Variants in ACTN3 observed in about 807,000 individuals in gnomAD.
The protein encoded by ACTN3 is actinin alpha 3, also known as alpha-actinin-3.
ACTN3 carries 91 observed loss-of-function variants against 119.6 expected under a neutral mutation model. That is an observed-to-expected ratio of 0.76 (90% CI 0.64 to 0.91). The LOEUF is 0.91. Ranked by LOEUF, ACTN3 falls within the 40% of genes least tolerant of loss-of-function variation. The probability of loss-of-function intolerance (pLI) is 0.00; values close to 1 mark genes in which losing one functional copy is unlikely to be tolerated. For missense variants in ACTN3, 1,221 were observed against 1,215.1 expected, an observed-to-expected ratio of 1.00 and a Z score of -0.07; for synonymous variants, 456 against 478.8, an observed-to-expected ratio of 0.95 and a Z score of 0.62.
Position 66,560,683 on chromosome 11 carries a change from T to C in ACTN3, c.1788T>C (p.Tyr596=). 6.2e-7 allele frequency: 1 copy of C among 1,613,924 alleles called. No individual in the cohort carries two copies. Among genetic ancestry groups the C allele is most frequent in the Non-Finnish European group, 8.5e-7 (1 of 1,179,874 alleles). Residue 596 remains tyrosine, a synonymous_variant, in exon 15 of 21, where the codon TAT becomes TAC. Coordinates refer to ENST00000513398, the MANE Select transcript of ACTN3 (RefSeq NM_001104.4). ...AGATCCAGAAGATCTGCCAGACGTA[T>C]GGGCTGCGGCCCTGCTCCACCAATC... ...QGEIQKICQT[Y]GLRPCSTNPY...
chr11:66,547,839 G>A (rs560894380), intron 1 of ACTN3, among the ~76,000 whole-genome samples: 13 of 151,994 alleles, frequency 8.6e-5, no homozygotes, highest in Non-Finnish European at 1.6e-4. Context: ...CCAAAGAGGG[G>A]CACAGGGGCA....
chr11:66,555,381 A>C lies in ACTN3; in HGVS notation c.718+14A>C. 6.2e-7 allele frequency: 1 copy of C among 1,613,508 alleles called. No individual in the cohort carries two copies. The highest frequency in any genetic ancestry group is 8.5e-7 in the Non-Finnish European group (1 of 1,179,516). Reference sequence around the variant, plus strand: ...TGGATGCAGAAGGTGAGAGTGAGCTAGCCCAGGGGAAGACCCCACATTCTC... The same window carrying C: ...TGGATGCAGAAGGTGAGAGTGAGCTCGCCCAGGGGAAGACCCCACATTCTC... On this transcript the variant is annotated intron_variant, in intron 7 of 20. Transcript: ENST00000513398.
At chr11:66,547,204 G>C in intron 1 of ACTN3, 120 bp downstream of exon 1, 3 of 1,222,770 alleles carry the variant, frequency 2.5e-6, no homozygotes, top group Non-Finnish European at 3.2e-6. Context: ...CTAATCCCCA[G>C]CCCAGGCTCT....
Position 66,558,128 on chromosome 11 carries a change from TGAG to T in ACTN3, c.1231_1233del (p.Glu411del), listed in dbSNP as rs1171973010. 3.7e-6 allele frequency: 6 copies of T among 1,613,766 alleles called. No individual in the cohort carries two copies. The highest frequency in any genetic ancestry group is 1.3e-5 in the African/African-American group (1 of 74,948). ...GCCTGCAGCGACTCCAGCACCTGGC[TGAG>T]AAGTTCCGGCAGAAGGCCTCCCTGC... On this transcript the variant is annotated inframe_deletion, in exon 11 of 21. Transcript: ENST00000513398.
intron 1 of ACTN3, 41 bp downstream of exon 1, chr11:66,547,125 G>A: frequency 6.8e-7 from 1 of 1,463,276 alleles, no homozygotes; most frequent in Non-Finnish European, 9.0e-7. Context: ...ACCGAGGCCT[G>A]AGAGGCCGGG....
At chr11:66,559,009 C>T in intron 11 of ACTN3, 1 of 404,058 alleles carries the variant, frequency 2.5e-6, no homozygotes, top group Non-Finnish European at 4.3e-6. Context: ...TACCAAGGGC[C>T]CCCTGGACGT....
intron 1 of ACTN3, 49 bp from the exon 2 acceptor site, chr11:66,551,190 C>T (rs370938559): frequency 5.1e-6 from 7 of 1,370,762 alleles, no homozygotes; most frequent in Non-Finnish European, 6.1e-6. Flanking sequence ...CTGTGCCCTA[C>T]ATCCCCCAGA....
chr11:66,561,589 G>A lies in ACTN3; in HGVS notation c.2127G>A (p.Leu709=). 1.9e-6 allele frequency: 3 copies of A among 1,613,110 alleles called. No individual in the cohort carries two copies. The highest frequency in any genetic ancestry group is 2.5e-6 in the Non-Finnish European group (3 of 1,179,630). Residue 709 remains leucine (L), a synonymous_variant, in exon 17 of 21, where the codon CTG becomes CTA. Transcript: ENST00000513398. The part of the protein sequence containing the change: ...IDRLEGDHQL[L]QESLVFDNKH... The stretch of plus-strand genomic sequence containing the variant: ...GGCTGGAGGGTGACCACCAGCTGCT[G>A]CAGGAGAGCCTGGTGTTCGACAATA...
In ACTN3 at chr11:66,560,032, G is replaced by T. The variant is rs370953791; in HGVS notation, c.1492G>T (p.Asp498Tyr). Residue 498 changes from aspartate (D) to tyrosine (Y), a missense_variant, in exon 13 of 21, where the codon GAC becomes TAC. Asp to Tyr is a radical substitution (Grantham distance 160). Around this residue, in one of 3 missense-constraint regions of ACTN3, gnomAD observed 934 missense variants for 899.9 expected, o/e 1.04. Transcript: ENST00000513398. The stretch of plus-strand genomic sequence containing the variant: ...CTGCCAGGCCATCTGCGATCAGTGG[G>T]ACAACCTGGGCACCCTGACCCAGAA... ...SRCQAICDQW[D>Y]NLGTLTQKRR... 112 of 1,588,314 alleles carry T rather than the reference G, an allele frequency of 7.1e-5. No homozygotes were observed. The highest frequency in any genetic ancestry group is 8.8e-5 in the Non-Finnish European group (103 of 1,168,402).
chr11:66,546,904 TGCCGAGCGGA>T lies in ACTN3; in HGVS notation c.-31_-22del. 2 of 1,526,406 alleles carry T rather than the reference TGCCGAGCGGA, an allele frequency of 1.3e-6. No individual in the cohort carries two copies. Among genetic ancestry groups the T allele is most frequent in the Non-Finnish European group, 1.8e-6 (2 of 1,140,496 alleles). 94.6% of individuals were successfully genotyped at this position (1,526,406 alleles called of 1,614,324 possible). On this transcript the variant is annotated 5_prime_UTR_variant, in exon 1 of 21. Coordinates refer to ENST00000513398, the MANE Select transcript of ACTN3 (RefSeq NM_001104.4). ...AATGGGGCCCGGGTGTCCGAGAGCG[TGCCGAGCGGA>T]GCGAAGCCAGGAGCCCGATCGAGAT...
At position 66,551,279 on chromosome 11, in the gene ACTN3, G is replaced by T. The variant is rs900010042; in HGVS notation, c.188G>T (p.Gly63Val). 14 of 1,612,566 alleles carry T rather than the reference G, an allele frequency of 8.7e-6. No individual in the cohort carries two copies. The highest frequency in any genetic ancestry group is 1.1e-5 in the Non-Finnish European group (13 of 1,179,326). The change falls in exon 2 of 21, where the codon GGC (glycine) becomes GTC (valine). Residue 63 changes from glycine (G) to valine (V), a missense_variant. By Grantham distance (109) the Gly-to-Val change is moderately radical. Around this residue, in one of 3 missense-constraint regions of ACTN3, gnomAD observed 239 missense variants for 231.8 expected, o/e 1.03. Coordinates refer to ENST00000513398, the MANE Select transcript of ACTN3 (RefSeq NM_001104.4). ...TGCAACTCACACCTGCGCAAGGCAG[G>T]CACCCAGATCGAGAACATCGAGGAA... ...AWCNSHLRKAGTQIENIEEDF... is the reference protein window; with the variant it reads ...AWCNSHLRKAVTQIENIEEDF...
Position 66,553,258 on chromosome 11 carries a change from C to G in ACTN3, c.383-787C>G, listed in dbSNP as rs1347383729. On this transcript the variant is annotated intron_variant, in intron 3 of 20. Transcript: ENST00000513398. Reference sequence around the variant, plus strand: ...AACAGAGCAAGACTCTGTCACCCCCCAAAAAATAGATGCAGCTGGGTGCAG... The same window carrying G: ...AACAGAGCAAGACTCTGTCACCCCCGAAAAAATAGATGCAGCTGGGTGCAG... 2.7e-5 allele frequency among the ~76,000 whole-genome samples: 4 copies of G among 150,802 alleles called. No homozygotes were observed. In the East Asian group the frequency reaches 5.9e-4, roughly 22 times the overall value.
At chr11:66,561,009 A>G (rs1171312384) in intron 15 of ACTN3, among the ~76,000 whole-genome samples, 7 of 107,318 alleles carry the variant, frequency 6.5e-5, no homozygotes. Context: ...TCTTTTATAA[A>G]TCCACCCATA....
chr11:66,546,815 C>T (rs1391450008), upstream of ACTN3: 2 of 1,529,280 alleles, frequency 1.3e-6, no homozygotes, highest in African/African-American at 1.4e-5. Context: ...CACCCCCATC[C>T]GGCCCCTCCC....
At chr11:66,557,669 G>A (rs1270465298) in intron 9 of ACTN3, 30 bp from the exon 10 acceptor site, 19 of 1,586,710 alleles carry the variant, frequency 1.2e-5, no homozygotes, top group Non-Finnish European at 1.5e-5. Context: ...GCGCAGAGCT[G>A]TCTGCCTTGC....
At chr11:66,546,790 C>A, upstream of ACTN3, 1 of 1,534,376 alleles carries the variant, frequency 6.5e-7, no homozygotes. Context: ...TTGCCAGGTC[C>A]AACCCGAGCT....
Position 66,560,591 on chromosome 11 carries a change from G to T in ACTN3, c.1696G>T (p.Asp566Tyr). The T allele has an allele frequency of 1.2e-6, 2 of 1,612,448 alleles. No individual in the cohort carries two copies. Among genetic ancestry groups the T allele is most frequent in the South Asian group, 2.2e-5 (2 of 91,010 alleles). Residue 566 changes from aspartate (D) to tyrosine (Y), a missense_variant, in exon 15 of 21, where the codon GAT becomes TAT. Transcript: ENST00000513398. ...TCCCCAGAGCCTGCTGACAGCGCACGATCAGTTCAAGGCAACACTGCCCGA... is the reference window on the plus strand; with the variant it reads ...TCCCCAGAGCCTGCTGACAGCGCACTATCAGTTCAAGGCAACACTGCCCGA... Reference protein sequence around the residue: ...EETQSLLTAHDQFKATLPEAD... With the variant: ...EETQSLLTAHYQFKATLPEAD...
chr11:66,547,255 G>T lies in ACTN3; in HGVS notation c.147+171G>T, dbSNP rs1399511912. On this transcript the variant is annotated intron_variant, in intron 1 of 20. Transcript: ENST00000513398. ...GCTGTCCCCAGGGCTGGAGGAGAGG[G>T]CTGGGAGCCCTCAAGAGGGGTTTAA... 5.9e-6 allele frequency: 3 copies of T among 506,844 alleles called. No individual in the cohort carries two copies. In the African/African-American group the frequency reaches 6.2e-5, roughly 11 times the overall value. 31.4% of individuals were successfully genotyped at this position (506,844 alleles called of 1,614,324 possible). A position where few individuals can be genotyped will look rare whatever the true frequency, so the allele number is the denominator to read the frequency against.
At position 66,559,988 on chromosome 11, in the gene ACTN3, C is replaced by A; in HGVS notation, c.1448C>A (p.Ala483Glu). 6.3e-7 allele frequency: 1 copy of A among 1,599,970 alleles called. No homozygotes were observed. Among genetic ancestry groups the A allele is most frequent in the Non-Finnish European group, 8.5e-7 (1 of 1,174,994 alleles). The change falls in exon 13 of 21, where the codon GCA (alanine) becomes GAA (glutamate). Residue 483 changes from alanine to glutamate, a missense_variant. Ala to Glu is a moderately radical substitution (Grantham distance 107). Coordinates refer to ENST00000513398, the MANE Select transcript of ACTN3 (RefSeq NM_001104.4). The stretch of plus-strand genomic sequence containing the variant: ...CCCAGTGAGCTGGACTACCACGAGG[C>A]AGCCTCAGTGAATAGCCGCTGCCAG... Reference protein sequence around the residue: ...QELNELDYHEAASVNSRCQAI... With the variant: ...QELNELDYHEEASVNSRCQAI...
Sources: gnomAD v4.1 joint callset for allele counts (sites outside exome capture counted in the v4.1 genomes callset) on GRCh38, gnomAD v4.1.1 for gene constraint, gnomAD v4.1.1 regional missense constraint, MANE v1.5 for transcripts, NCBI Gene and HGNC (gene_info 2026-07-23, HGNC 2026-07-21) for gene names.